Variants in KIAA1217 observed in about 807,000 individuals in gnomAD.
The protein encoded by KIAA1217 is KIAA1217.
A neutral mutation model predicts 163.9 loss-of-function variants in KIAA1217; 88 were observed. The ratio of observed to expected loss-of-function variants is 0.54; its 90% CI spans 0.45 to 0.64. The LOEUF is 0.64. KIAA1217 is among the 30% of genes least tolerant of loss of function. The pLI is 0.00. For synonymous variants in KIAA1217, 903 were observed against 923.1 expected (o/e 0.98, Z 0.39); for missense variants, 2,372 against 2,475.0 (o/e 0.96, Z 0.88).
intron 2 of KIAA1217, among the ~76,000 whole-genome samples, chr10:24,068,578 A>C (rs1272229729): frequency 6.6e-6 from 1 of 152,202 alleles, no homozygotes; most frequent in Non-Finnish European, 1.5e-5. Flanking sequence ...CACTTTGCCC[A>C]GTCTTCATGG....
At chr10:23,833,167 A>G (rs576681175) in intron 1 of KIAA1217, among the ~76,000 whole-genome samples, 1 of 152,220 alleles carries the variant, frequency 6.6e-6, no homozygotes, top group Non-Finnish European at 1.5e-5. Flanking sequence ...CACCTATTTT[A>G]TAAGGCTGTT....
At chr10:23,930,812 G>A (rs1247477820) in intron 1 of KIAA1217, among the ~76,000 whole-genome samples, 1 of 152,138 alleles carries the variant, frequency 6.6e-6, no homozygotes, top group Non-Finnish European at 1.5e-5. Flanking sequence ...GTGAGGCCTG[G>A]ATTTCCTGCC....
At chr10:24,180,280 C>CTTTTTTTTTTTTTTTTTTTTTTTTTTTTT in intron 2 of KIAA1217, among the ~76,000 whole-genome samples, 1 of 83,154 alleles carries the variant, frequency 1.2e-5, no homozygotes, top group Non-Finnish European at 2.3e-5. Context: ...CCTCAACCTT[C>CTTTTTTTTTTTTTTTTTTTTTTTTTTTTT]TTTTTTTTTT....
In KIAA1217 at chr10:24,544,098, G is replaced by A. The variant is rs1392703177; in HGVS notation, c.4828G>A (p.Glu1610Lys). 3.1e-6 allele frequency: 5 copies of A among 1,614,052 alleles called. No homozygotes were observed. The highest frequency in any genetic ancestry group is 1.7e-5 in the Admixed American group (1 of 60,010). ...LQVVVYEEEE[E>K]DGTLKQHKEA... ...AGTGGTAGTCTATGAAGAAGAGGAA[G>A]AGGATGGCACCCTGAAACAGCACAA... is the stretch of plus-strand genomic sequence containing the variant. Residue 1610 changes from glutamate (E) to lysine (K), a missense_variant, in exon 19 of 21, where the codon GAG (glutamate) becomes AAG (lysine). Transcript: ENST00000376454.
chr10:24,041,726 G>A (rs938877865), intron 2 of KIAA1217, among the ~76,000 whole-genome samples: 3 of 152,088 alleles, frequency 2.0e-5, no homozygotes, highest in Non-Finnish European at 4.4e-5. Context: ...TTCGTTTCAC[G>A]GTCACCTCTT....
intron 2 of KIAA1217, among the ~76,000 whole-genome samples, chr10:24,220,754 C>CTTTT (rs58991505): frequency 2.7e-5 from 2 of 74,214 alleles, no homozygotes; most frequent in East Asian, 4.2e-4. Context: ...GCACCCCGGC[C>CTTTT]TTTTTTTTTT....
intron 4 of KIAA1217, among the ~76,000 whole-genome samples, chr10:24,436,540 C>T (rs112275861): frequency 0.12 from 17,780 of 150,760 alleles, 1,076 homozygotes; most frequent in Middle Eastern, 0.17. Context: ...GGGCGGATCA[C>T]GAGGTCAGGA....
At chr10:24,506,388 T>A (rs1319024654) in intron 9 of KIAA1217, among the ~76,000 whole-genome samples, 3 of 152,214 alleles carry the variant, frequency 2.0e-5, no homozygotes, top group Non-Finnish European at 4.4e-5. Context: ...TATAGGTCCA[T>A]TTTCAGGTTG....
At chr10:23,733,206 T>C (rs1588683811) in intron 1 of KIAA1217, among the ~76,000 whole-genome samples, 1 of 152,062 alleles carries the variant, frequency 6.6e-6, no homozygotes, top group Non-Finnish European at 1.5e-5. Flanking sequence ...AGAGATGGAG[T>C]TTCACCATAT....
chr10:24,326,806 C>A (rs2044967575), intron 2 of KIAA1217, among the ~76,000 whole-genome samples: 1 of 151,958 alleles, frequency 6.6e-6, no homozygotes. Flanking sequence ...CCCCCAAAAC[C>A]CTTACATATA....
chr10:23,840,314 C>T (rs1392487196), intron 1 of KIAA1217, among the ~76,000 whole-genome samples: 2 of 152,008 alleles, frequency 1.3e-5, no homozygotes, highest in African/African-American at 4.8e-5. Context: ...TGCCACCAAA[C>T]CCAGCTAATT....
chr10:23,962,141 G>C (rs1844844303), intron 1 of KIAA1217, among the ~76,000 whole-genome samples: 1 of 152,212 alleles, frequency 6.6e-6, no homozygotes, highest in African/African-American at 2.4e-5. Flanking sequence ...GGCTGACTCT[G>C]ACCAATGGAA....
intron 2 of KIAA1217, among the ~76,000 whole-genome samples, chr10:24,349,227 T>A (rs916349166): frequency 6.6e-6 from 1 of 152,024 alleles, no homozygotes; most frequent in African/African-American, 2.4e-5. Flanking sequence ...TGATGTTAAC[T>A]TACTGATTTT....
chr10:23,927,397 C>A (rs1008159044), intron 1 of KIAA1217, among the ~76,000 whole-genome samples: 1 of 150,880 alleles, frequency 6.6e-6, no homozygotes, highest in African/African-American at 2.5e-5. Flanking sequence ...TCTCCTCTTG[C>A]ATTACCACTG....
intron 1 of KIAA1217, among the ~76,000 whole-genome samples, chr10:23,784,000 CT>C (rs970451352): frequency 6.6e-6 from 1 of 151,302 alleles, no homozygotes; most frequent in Non-Finnish European, 1.5e-5. Flanking sequence ...TAAAAAAAAA[CT>C]TTTGTTGGTT....
intron 1 of KIAA1217, among the ~76,000 whole-genome samples, chr10:23,969,892 A>G (rs1252756528): frequency 6.6e-6 from 1 of 152,234 alleles, no homozygotes; most frequent in Non-Finnish European, 1.5e-5. Context: ...AGGCCTCACA[A>G]TCATGGCAGA....
intron 1 of KIAA1217, among the ~76,000 whole-genome samples, chr10:23,933,753 A>C (rs542668388): frequency 1.3e-5 from 2 of 152,212 alleles, no homozygotes; most frequent in African/African-American, 4.8e-5. Flanking sequence ...TTCTCAAAAG[A>C]AGACATTTAC....
chr10:24,195,867 G>A (rs550409451), intron 2 of KIAA1217, among the ~76,000 whole-genome samples: 3 of 152,206 alleles, frequency 2.0e-5, no homozygotes, highest in Admixed American at 6.5e-5. Context: ...AGTGGCTCAC[G>A]CCTGTAATCC....
chr10:23,915,446 T>C (rs967289450), intron 1 of KIAA1217, among the ~76,000 whole-genome samples: 3 of 152,098 alleles, frequency 2.0e-5, no homozygotes, highest in Non-Finnish European at 4.4e-5. Context: ...TAAAATGCTA[T>C]TAGGAATAGA....
Sources: allele counts gnomAD v4.1 joint callset (sites outside exome capture counted in the v4.1 genomes callset), GRCh38; gene constraint gnomAD v4.1.1; transcripts MANE v1.5; gene names NCBI Gene and HGNC (gene_info 2026-07-23, HGNC 2026-07-21).